SLC44A5: variants seen among roughly 807,000 people sequenced by gnomAD.
SLC44A5 encodes the protein solute carrier family 44 member 5.
In SLC44A5, 57 loss-of-function variants were observed where a neutral mutation model predicts 101.8. That is an observed-to-expected ratio of 0.56 (90% CI 0.45 to 0.70). The LOEUF is 0.70. Among genes scored for constraint, SLC44A5 ranks in the 30% least tolerant of loss-of-function variants. SLC44A5 has a pLI of 0.00. For missense variants in SLC44A5, 737 were observed against 853.1 expected, an observed-to-expected ratio of 0.86 and a Z score of 1.70; for synonymous variants, 281 against 290.9, an observed-to-expected ratio of 0.97 and a Z score of 0.35.
At chr1:75,577,511 G>A (rs774936387) in intron 1 of SLC44A5, among the ~76,000 whole-genome samples, 1 of 152,046 alleles carries the variant, frequency 6.6e-6, no homozygotes, top group Admixed American at 6.6e-5. Flanking sequence ...CTTTACCAGC[G>A]ATTTCAGATC....
chr1:75,550,973 GTCTA>G (rs951803995), intron 1 of SLC44A5, among the ~76,000 whole-genome samples: 10 of 152,088 alleles, frequency 6.6e-5, no homozygotes, highest in South Asian at 2.1e-4. Flanking sequence ...TATTAATAGT[GTCTA>G]TCTAAGATAA....
chr1:75,511,548 C>T (rs888747832), intron 2 of SLC44A5, among the ~76,000 whole-genome samples: 2 of 152,036 alleles, frequency 1.3e-5, no homozygotes, highest in Non-Finnish European at 2.9e-5. Flanking sequence ...TAAAAAATAT[C>T]ATCTATTAAA....
the SLC44A5 span, among the ~76,000 whole-genome samples, chr1:75,667,799 T>C: frequency 1.3e-5 from 2 of 152,224 alleles, no homozygotes; most frequent in Non-Finnish European, 2.9e-5. Context: ...TTTTTTGCCA[T>C]GTGAACATAC....
At chr1:75,420,976 T>C (rs577099006) in intron 2 of SLC44A5, among the ~76,000 whole-genome samples, 2 of 152,016 alleles carry the variant, frequency 1.3e-5, no homozygotes, top group South Asian at 2.1e-4. Context: ...GTCACAAAAA[T>C]GAAAATAGCA....
chr1:75,310,746 A>G (rs1300193527), intron 4 of SLC44A5, among the ~76,000 whole-genome samples: 2 of 152,136 alleles, frequency 1.3e-5, no homozygotes, highest in African/African-American at 4.8e-5. Context: ...GAAATATAAA[A>G]CTGAATATTA....
rs566368711 is a variant in SLC44A5 at position 75,396,461 on chromosome 1, A to G, written c.52+122T>C. The G allele has an allele frequency of 1.4e-4, 115 of 823,472 alleles. 3 individuals carry two copies. In the Middle Eastern group the frequency reaches 1.9e-3, roughly 13 times the overall value. The allele number at this position is 823,472 out of a possible 1,614,324, so 51.0% of individuals were successfully genotyped here. ...GAAGAATCCAAAAAAAGCTTCAGTCAGCAATTATTCTTTACCAAACAAATA... is the reference window on the plus strand; with the variant it reads ...GAAGAATCCAAAAAAAGCTTCAGTCGGCAATTATTCTTTACCAAACAAATA... On this transcript the variant is annotated intron_variant, in intron 3 of 23. Transcript: ENST00000370859.
chr1:75,542,681 G>A (rs2101955894), intron 1 of SLC44A5, among the ~76,000 whole-genome samples: 1 of 152,076 alleles, frequency 6.6e-6, no homozygotes, highest in South Asian at 2.1e-4. Context: ...GTACTGATTG[G>A]TGTCTGAATG....
intron 3 of SLC44A5, 29 bp downstream of exon 3, chr1:75,396,554 T>G: frequency 6.4e-7 from 1 of 1,553,300 alleles, no homozygotes; most frequent in Non-Finnish European, 8.9e-7. Context: ...GAAAGATTCT[T>G]AGCACTTAAT....
At chr1:75,488,116 G>T (rs988587250) in intron 2 of SLC44A5, among the ~76,000 whole-genome samples, 6 of 152,182 alleles carry the variant, frequency 3.9e-5, no homozygotes, top group Non-Finnish European at 8.8e-5. Context: ...AGGAAAATAA[G>T]CTCAGGCCTC....
Position 75,218,362 on chromosome 1 carries a change from C to A in SLC44A5, c.1529+128G>T, listed in dbSNP as rs1647004824. 6 of 1,256,134 alleles carry A rather than the reference C, an allele frequency of 4.8e-6. No individual in the cohort carries two copies. In the Admixed American group the frequency reaches 1.1e-4, roughly 22 times the overall value. The allele number at this position is 1,256,134 out of a possible 1,614,324, so 77.8% of individuals were successfully genotyped here. On this transcript the variant is annotated intron_variant, in intron 17 of 23. Transcript: ENST00000370859. Reference sequence around the variant, plus strand: ...GAAACCAGACAAAACCAATGGGCATCCATGAATTTTGATTCATACCTTTGA... The same window carrying A: ...GAAACCAGACAAAACCAATGGGCATACATGAATTTTGATTCATACCTTTGA...
At chr1:75,424,061 C>G (rs1664165128) in intron 2 of SLC44A5, among the ~76,000 whole-genome samples, 1 of 152,170 alleles carries the variant, frequency 6.6e-6, no homozygotes, top group South Asian at 2.1e-4. Flanking sequence ...GACTACCTCA[C>G]AGAACACAGG....
intron 9 of SLC44A5, among the ~76,000 whole-genome samples, chr1:75,241,679 G>C (rs117449579): frequency 6.6e-6 from 1 of 152,046 alleles, no homozygotes; most frequent in Admixed American, 6.6e-5. Context: ...TCAGGAGTGG[G>C]TGTATATGAG....
intron 2 of SLC44A5, among the ~76,000 whole-genome samples, chr1:75,530,189 A>T (rs879912821): frequency 3.5e-4 from 53 of 152,154 alleles, no homozygotes; most frequent in Non-Finnish European, 6.5e-4. Context: ...TTTTATTATT[A>T]TTAACAGAAA....
At chr1:75,511,794 GAGTT>G in intron 2 of SLC44A5, among the ~76,000 whole-genome samples, 1 of 152,242 alleles carries the variant, frequency 6.6e-6, no homozygotes, top group East Asian at 1.9e-4. Flanking sequence ...TAGCTTCAAA[GAGTT>G]AGTGAACCCC....
chr1:75,464,653 A>G (rs893573159), intron 2 of SLC44A5, among the ~76,000 whole-genome samples: 1 of 152,184 alleles, frequency 6.6e-6, no homozygotes, highest in Admixed American at 6.5e-5. Context: ...CCTACAAAAA[A>G]TACACACATA....
intron 5 of SLC44A5, among the ~76,000 whole-genome samples, chr1:75,291,003 A>G (rs954159504): frequency 1.3e-5 from 2 of 152,232 alleles, no homozygotes; most frequent in Admixed American, 6.5e-5. Context: ...ATATCCTTAA[A>G]ACAGGTTTGC....
At chr1:75,370,747 G>T (rs1660169391) in intron 3 of SLC44A5, among the ~76,000 whole-genome samples, 1 of 152,202 alleles carries the variant, frequency 6.6e-6, no homozygotes, top group African/African-American at 2.4e-5. Flanking sequence ...ATCAGAGTGG[G>T]TATATGGTAG....
Position 75,355,838 on chromosome 1 carries a change from T to C in SLC44A5, c.53-16208A>G, listed in dbSNP as rs533455726. ...GATAATAAATGACTATGTTACTTGT[T>C]TATGTATTTACTATACTGTATTTAT... On this transcript the variant is annotated intron_variant, in intron 3 of 23. Coordinates refer to ENST00000370859, the MANE Select transcript of SLC44A5 (RefSeq NM_001130058.2). 9.2e-5 allele frequency among the ~76,000 whole-genome samples: 14 copies of C among 152,314 alleles called. No homozygotes were observed. The South Asian group carries it at 2.5e-3, about 27-fold the overall frequency.
At chr1:75,290,272 C>T (rs908530203) in intron 5 of SLC44A5, among the ~76,000 whole-genome samples, 2 of 152,162 alleles carry the variant, frequency 1.3e-5, no homozygotes, top group African/African-American at 2.4e-5. Context: ...CAATGCCCTT[C>T]GAGGCTGGGG....
Sources: gnomAD v4.1 joint callset for allele counts (sites outside exome capture counted in the v4.1 genomes callset) on GRCh38, gnomAD v4.1.1 for gene constraint, MANE v1.5 for transcripts, NCBI Gene and HGNC (gene_info 2026-07-23, HGNC 2026-07-21) for gene names.